Variants in IL22RA1 observed in about 807,000 individuals in gnomAD.
IL22RA1 encodes interleukin 22 receptor subunit alpha 1.
In IL22RA1, 25 loss-of-function variants were observed where a neutral mutation model predicts 32.8. The observed-to-expected ratio is 0.76, with a 90% CI of 0.55 to 1.06. The LOEUF is 1.06. Among genes scored for constraint, IL22RA1 ranks in the 50% least tolerant of loss-of-function variants. IL22RA1 has a pLI of 0.00. For synonymous variants in IL22RA1, 305 were observed against 305.0 expected (o/e 1.00, Z 0.00); for missense variants, 709 against 727.4 (o/e 0.97, Z 0.29).
Position 24,121,635 on chromosome 1 carries a change from C to G in IL22RA1, c.895G>C (p.Val299Leu). The change falls in exon 7 of 7, where the codon GTC becomes CTC. Residue 299 changes from valine to leucine, a missense_variant. By Grantham distance (32) the Val-to-Leu change is conservative. Transcript: ENST00000270800. ...GACACCCTGATCTGGGAGTACTGGACAGGCTGGGCCAGACTGCTGGGGCCG... is the reference window on the plus strand; with the variant it reads ...GACACCCTGATCTGGGAGTACTGGAGAGGCTGGGCCAGACTGCTGGGGCCG... ...LSGPSSLAQP[V>L]QYSQIRVSGP... 1 of 1,611,952 alleles carries G rather than the reference C, an allele frequency of 6.2e-7. No homozygotes were observed. The highest frequency in any genetic ancestry group is 8.5e-7 in the Non-Finnish European group (1 of 1,178,574).
chr1:24,127,818 G>C (rs1049768512), intron 5 of IL22RA1, among the ~76,000 whole-genome samples: 6 of 152,058 alleles, frequency 3.9e-5, no homozygotes, highest in Admixed American at 1.3e-4. Context: ...TATCTTCTCT[G>C]CTTCCCCCCT....
At chr1:24,134,413 A>G (rs1460607974) in intron 3 of IL22RA1, 27 bp from the exon 4 acceptor site, 2 of 1,448,426 alleles carry the variant, frequency 1.4e-6, no homozygotes, top group African/African-American at 2.9e-5. Flanking sequence ...AGAAAAGAGA[A>G]AAGAAAAAGT....
chr1:24,138,633 T>C lies in IL22RA1; in HGVS notation c.125A>G (p.Asp42Gly), dbSNP rs753961814. ...GTCTGGGGTGCCCTCCGGCCCGCTG[T>C]CCCACGTCAGGATGTTTTCAAAGTT... is the stretch of plus-strand genomic sequence containing the variant. Reference protein sequence around the residue: ...SSNFENILTWDSGPEGTPDTV... With the variant: ...SSNFENILTWGSGPEGTPDTV... The change falls in exon 2 of 7, where the codon GAC becomes GGC. Residue 42 changes from aspartate (D) to glycine (G), a missense_variant. Transcript: ENST00000270800. The C allele has an allele frequency of 4.3e-6, 7 of 1,614,140 alleles. No homozygotes were observed. The highest frequency in any genetic ancestry group is 5.9e-6 in the Non-Finnish European group (7 of 1,180,008).
At position 24,121,295 on chromosome 1, in the gene IL22RA1, T is replaced by C. The variant is rs767896670; in HGVS notation, c.1235A>G (p.Lys412Arg). 6.2e-7 allele frequency: 1 copy of C among 1,613,824 alleles called. No homozygotes were observed. Among genetic ancestry groups the C allele is most frequent in the Non-Finnish European group, 8.5e-7 (1 of 1,179,832 alleles). ...AGAAAGTGTCCCAGTGGGGGAGTCT[T>C]TGCCAGAACCTTCCATGCATACCCC... is the stretch of plus-strand genomic sequence containing the variant. ...SYGVCMEGSG[K>R]DSPTGTLSSP... The change falls in exon 7 of 7, where the codon AAA (lysine) becomes AGA (arginine). Residue 412 changes from lysine to arginine, a missense_variant. Physicochemically the swap from Lys to Arg is conservative, Grantham distance 26. Transcript: ENST00000270800.
At chr1:24,133,392 C>T (rs1020730167) in intron 4 of IL22RA1, among the ~76,000 whole-genome samples, 3 of 151,972 alleles carry the variant, frequency 2.0e-5, no homozygotes, top group Admixed American at 2.0e-4. Context: ...CCTTTTCACC[C>T]CCTAGATTAT....
chr1:24,128,356 T>C, intron 4 of IL22RA1, 77 bp from the exon 5 acceptor site: 2 of 1,568,520 alleles, frequency 1.3e-6, no homozygotes, highest in Admixed American at 3.4e-5. Flanking sequence ...GCTTGCTCGC[T>C]CCTCCTGGAT....
At position 24,138,598 on chromosome 1, in the gene IL22RA1, T is replaced by C; in HGVS notation, c.160A>G (p.Ser54Gly). 1 of 1,614,188 alleles carries C rather than the reference T, an allele frequency of 6.2e-7. No homozygotes were observed. The highest frequency in any genetic ancestry group is 8.5e-7 in the Non-Finnish European group (1 of 1,180,020). Residue 54 changes from serine to glycine, a missense_variant, in exon 2 of 7, where the codon AGC becomes GGC. By Grantham distance (56) the Ser-to-Gly change is moderately conservative. Transcript: ENST00000270800. ...GAAGCCTACGTCTTATACTCGATGC[T>C]GTAGACCGTGTCTGGGGTGCCCTCC... ...GPEGTPDTVY[S>G]IEYKTYGERD...
intron 5 of IL22RA1, among the ~76,000 whole-genome samples, chr1:24,126,845 G>A (rs1570903594): frequency 6.6e-6 from 1 of 152,082 alleles, no homozygotes; most frequent in African/African-American, 2.4e-5. Context: ...GTGTGCTAGA[G>A]GAAGGGACCA....
chr1:24,122,379 G>T (rs571161546), intron 6 of IL22RA1, among the ~76,000 whole-genome samples: 72 of 150,674 alleles, frequency 4.8e-4, no homozygotes, highest in African/African-American at 1.6e-3. Flanking sequence ...TTTATTTTTT[G>T]GGTGGGGGGT....
intron 1 of IL22RA1, among the ~76,000 whole-genome samples, chr1:24,138,994 A>T (rs1313461540): frequency 6.6e-6 from 1 of 152,220 alleles, no homozygotes; most frequent in Non-Finnish European, 1.5e-5. Context: ...TCACCACCTT[A>T]CAGTGTTCAG....
At chr1:24,134,938 T>A in intron 3 of IL22RA1, 1 of 537,656 alleles carries the variant, frequency 1.9e-6, no homozygotes, top group Non-Finnish European at 2.4e-6. Context: ...GTCTTCTTCC[T>A]GCCAAAATGT....
At position 24,138,710 on chromosome 1, in the gene IL22RA1, G is replaced by A. The variant is rs201903321; in HGVS notation, c.48C>T (p.His16=). 9 of 1,613,904 alleles carry A rather than the reference G, an allele frequency of 5.6e-6. No homozygotes were observed. Among genetic ancestry groups the A allele is most frequent in the East Asian group, 2.2e-5 (1 of 44,876 alleles). ...TILTVGSLAA[H]APEDPSDLLQ... Reference sequence around the variant, plus strand: ...GCAGATCCGAGGGGTCCTCAGGGGCGTGAGCTGCAGGAGGGTGGGAGGAGG... The same window carrying A: ...GCAGATCCGAGGGGTCCTCAGGGGCATGAGCTGCAGGAGGGTGGGAGGAGG... Residue 16 remains histidine (H), a synonymous_variant, in exon 2 of 7, where the codon CAC becomes CAT. Coordinates refer to ENST00000270800, the MANE Select transcript of IL22RA1 (RefSeq NM_021258.4).
At chr1:24,128,322 G>C (rs41268129) in intron 4 of IL22RA1, 43 bp from the exon 5 acceptor site, 17 of 1,611,008 alleles carry the variant, frequency 1.1e-5, no homozygotes, top group Non-Finnish European at 1.3e-5. Flanking sequence ...GTTACACACC[G>C]ATCTCCACAT....
intron 6 of IL22RA1, 24 bp from the exon 7 acceptor site, chr1:24,121,761 C>A: frequency 1.4e-6 from 2 of 1,453,482 alleles, no homozygotes; most frequent in Non-Finnish European, 1.8e-6. Context: ...ACAACAGTCA[C>A]CCCCCTGTGG....
At chr1:24,142,284 T>A (rs1644286924) in intron 1 of IL22RA1, among the ~76,000 whole-genome samples, 1 of 152,194 alleles carries the variant, frequency 6.6e-6, no homozygotes, top group South Asian at 2.1e-4. Context: ...GCCGAGGCCA[T>A]ACCTGCTCGC....
chr1:24,141,343 T>A (rs1472409858), intron 1 of IL22RA1, among the ~76,000 whole-genome samples: 1 of 152,068 alleles, frequency 6.6e-6, no homozygotes, highest in Admixed American at 6.5e-5. Context: ...AACAGTGGCT[T>A]CTGGTTGGGT....
At position 24,137,195 on chromosome 1, in the gene IL22RA1, G is replaced by A. The variant is rs772991905; in HGVS notation, c.291C>T (p.Thr97=). The A allele has an allele frequency of 1.9e-5, 30 of 1,614,062 alleles. No homozygotes were observed. In the South Asian group the frequency reaches 2.3e-4, roughly 12 times the overall value. The change falls in exon 3 of 7, where the codon ACC becomes ACT. Residue 97 remains threonine (T), a synonymous_variant. Transcript: ENST00000270800. ...NLTELYYARV[T]AVSAGGRSAT... is the part of the protein sequence containing the mutation. ...CTGACCGGCCTCCCGCACTGACAGC[G>A]GTGACCCTGGCATAGTAGAGCTCCG...
At chr1:24,140,836 G>T (rs1644276270) in intron 1 of IL22RA1, among the ~76,000 whole-genome samples, 1 of 152,242 alleles carries the variant, frequency 6.6e-6, no homozygotes, top group Non-Finnish European at 1.5e-5. Flanking sequence ...ACCCCAGCTG[G>T]GTCAAGGCCT....
chr1:24,134,281 A>G lies in IL22RA1; in HGVS notation c.461T>C (p.Leu154Pro), dbSNP rs764086403. 6.2e-7 allele frequency: 1 copy of G among 1,611,124 alleles called. No homozygotes were observed. The highest frequency in any genetic ancestry group is 8.5e-7 in the Non-Finnish European group (1 of 1,178,492). The part of the protein sequence containing the change: ...TPIRAGDGHR[L>P]TLEDIFHDLF... ...GTCATGGAAGATGTCTTCCAGGGTT[A>G]GCCGGTGGCCATCGCCTGCACGGAT... The change falls in exon 4 of 7, where the codon CTA becomes CCA. Residue 154 changes from leucine (L) to proline (P), a missense_variant. Physicochemically the swap from Leu to Pro is moderately conservative, Grantham distance 98. Coordinates refer to ENST00000270800, the MANE Select transcript of IL22RA1 (RefSeq NM_021258.4).
Sources: allele counts gnomAD v4.1 joint callset (sites outside exome capture counted in the v4.1 genomes callset), GRCh38; gene constraint gnomAD v4.1.1; transcripts MANE v1.5; gene names NCBI Gene and HGNC (gene_info 2026-07-23, HGNC 2026-07-21).